OR56A3: variants seen among roughly 807,000 people sequenced by gnomAD.
OR56A3 encodes the protein olfactory receptor 56A3.
A neutral mutation model predicts 17.5 loss-of-function variants in OR56A3; 23 were observed. That is an observed-to-expected ratio of 1.32 (90% confidence interval 0.95 to 1.87). OR56A3 has a LOEUF of 1.87. OR56A3 is among the 40% of genes most tolerant of loss of function. OR56A3 has a pLI of 0.00. For synonymous variants in OR56A3, 175 were observed against 150.6 expected (o/e 1.16, Z -1.19); for missense variants, 366 against 380.1 (o/e 0.96, Z 0.31).
chr11:5,985,911 T>A, the OR56A3 span: 3 of 1,555,998 alleles, frequency 1.9e-6, no homozygotes, highest in East Asian at 4.6e-5. Flanking sequence ...AGAAGAAGCC[T>A]CCGAAGGAAA....
At position 5,951,035 on chromosome 11, in the gene OR56A3, G is replaced by A. The variant is rs1014782864; in HGVS notation, c.*2741G>A. ...CCAAGGAAGTCAGGGTTTTAGAGGA[G>A]AGTAAAGTTTTTTTTGTTAATGCTG... On this transcript the variant is annotated 3_prime_UTR_variant, in exon 3 of 3. Coordinates refer to ENST00000641160, the MANE Select transcript of OR56A3 (RefSeq NM_001003443.3). 1 of 152,090 alleles carries A rather than the reference G, an allele frequency of 6.6e-6. No homozygotes were observed. Among genetic ancestry groups the A allele is most frequent in the Non-Finnish European group, 1.5e-5 (1 of 67,976 alleles). 9.4% of individuals were successfully genotyped at this position (152,090 alleles called of 1,614,324 possible). A position where few individuals can be genotyped will look rare whatever the true frequency, so the allele number is the denominator to read the frequency against.
chr11:5,993,496 C>G, the OR56A3 span, among the ~76,000 whole-genome samples: 1 of 152,174 alleles, frequency 6.6e-6, no homozygotes, highest in Non-Finnish European at 1.5e-5. Context: ...CCCTCCTAGA[C>G]TCAGTTTTCC....
chr11:6,017,741 A>T, the OR56A3 span, among the ~76,000 whole-genome samples: 2 of 152,284 alleles, frequency 1.3e-5, no homozygotes, highest in Non-Finnish European at 2.9e-5. Context: ...AATGTAAACA[A>T]ATTAAATTTC....
At chr11:6,005,291 G>C in the OR56A3 span, among the ~76,000 whole-genome samples, 2 of 152,312 alleles carry the variant, frequency 1.3e-5, 1 homozygote, top group South Asian at 4.1e-4. Flanking sequence ...TTTCGTGGGG[G>C]AGAATAAAGA....
the OR56A3 span, chr11:5,968,580 A>T: frequency 9.9e-7 from 1 of 1,010,590 alleles, no homozygotes; most frequent in East Asian, 2.6e-5. Flanking sequence ...AAGCTGTTAA[A>T]ATATTTGCTA....
At position 5,951,223 on chromosome 11, in the gene OR56A3, T is replaced by C. The variant is rs1395898011; in HGVS notation, c.*2929T>C. 1 of 152,092 alleles carries C rather than the reference T, an allele frequency of 6.6e-6. No homozygotes were observed. Among genetic ancestry groups the C allele is most frequent in the East Asian group, 1.9e-4 (1 of 5,196 alleles). 9.4% of individuals were successfully genotyped at this position (152,092 alleles called of 1,614,324 possible). ...CCTAAGGAAGAATGTAAATGGGTATTTACTCATAACAAGTAAGGAATATTA... is the reference window on the plus strand; with the variant it reads ...CCTAAGGAAGAATGTAAATGGGTATCTACTCATAACAAGTAAGGAATATTA... On this transcript the variant is annotated 3_prime_UTR_variant, in exon 3 of 3. Coordinates refer to ENST00000641160, the MANE Select transcript of OR56A3 (RefSeq NM_001003443.3).
At chr11:5,986,450 G>T in the OR56A3 span, 1,244 of 1,613,774 alleles carry the variant, frequency 7.7e-4, 11 homozygotes, top group African/African-American at 0.016. Flanking sequence ...ATTCCGATGC[G>T]CCCTATGACC....
the OR56A3 span, among the ~76,000 whole-genome samples, chr11:6,014,989 C>CAAAAAAAAAAAAAAAAAAAAAAAAAAA: frequency 5.1e-4 from 18 of 35,200 alleles, 4 homozygotes; most frequent in South Asian, 4.1e-3. Context: ...TATTCATGGG[C>CAAAAAAAAAAAAAAAAAAAAAAAAAAA]AAAAAAAAAA....
chr11:5,982,486 A>G, the OR56A3 span, among the ~76,000 whole-genome samples: 6 of 152,246 alleles, frequency 3.9e-5, no homozygotes, highest in Non-Finnish European at 7.4e-5. Context: ...CTGGTTTGGC[A>G]ACTGAGGCTG....
downstream of OR56A3, among the ~76,000 whole-genome samples, chr11:5,953,068 G>A (rs1205854393): frequency 6.6e-6 from 1 of 152,178 alleles, no homozygotes; most frequent in East Asian, 1.9e-4. Flanking sequence ...TGGGCACCTA[G>A]GCTGATTCTA....
chr11:5,954,924 A>C (rs919183230), downstream of OR56A3, among the ~76,000 whole-genome samples: 4 of 152,216 alleles, frequency 2.6e-5, no homozygotes, highest in African/African-American at 4.8e-5. Context: ...GCAAAACAGC[A>C]AAGAAGAGGG....
chr11:6,015,635 C>T, the OR56A3 span, among the ~76,000 whole-genome samples: 1 of 152,244 alleles, frequency 6.6e-6, no homozygotes, highest in African/African-American at 2.4e-5. Context: ...CCACCTCTTG[C>T]ATCAGTGTGC....
chr11:5,977,827 G>T, the OR56A3 span, among the ~76,000 whole-genome samples: 1 of 152,090 alleles, frequency 6.6e-6, no homozygotes, highest in Non-Finnish European at 1.5e-5. Flanking sequence ...TTTTCTTATA[G>T]GATTTTATAG....
the OR56A3 span, among the ~76,000 whole-genome samples, chr11:5,958,515 AGT>A: frequency 3.3e-5 from 5 of 152,172 alleles, no homozygotes; most frequent in Non-Finnish European, 7.4e-5. Context: ...TAAAATGGAC[AGT>A]GTATGTATTT....
At chr11:5,986,056 A>T in the OR56A3 span, 6 of 1,613,882 alleles carry the variant, frequency 3.7e-6, no homozygotes, top group Middle Eastern at 1.6e-4. Context: ...GGCCAGAAGA[A>T]CATGGACATG....
Position 5,948,543 on chromosome 11 carries a change from T to G in OR56A3, c.*249T>G. ...TCATATTTTGTCCAAAACACTGACA[T>G]TCCTTAAAGCAGATTTTAAAGTGAA... On this transcript the variant is annotated 3_prime_UTR_variant, in exon 3 of 3. Transcript: ENST00000641160. 1 of 451,536 alleles carries G rather than the reference T, an allele frequency of 2.2e-6. No individual in the cohort carries two copies. Among genetic ancestry groups the G allele is most frequent in the Non-Finnish European group, 3.9e-6 (1 of 254,792 alleles). 28.0% of individuals were successfully genotyped at this position (451,536 alleles called of 1,614,324 possible). A position where few individuals can be genotyped will look rare whatever the true frequency, so the allele number is the denominator to read the frequency against.
chr11:5,954,777 C>A (rs186599728), downstream of OR56A3, among the ~76,000 whole-genome samples: 45 of 152,110 alleles, frequency 3.0e-4, no homozygotes, highest in African/African-American at 1.0e-3. Context: ...CAACATACAG[C>A]CCTAGATTTC....
chr11:5,978,027 A>C, the OR56A3 span, among the ~76,000 whole-genome samples: 2 of 152,126 alleles, frequency 1.3e-5, no homozygotes, highest in African/African-American at 4.8e-5. Flanking sequence ...GGTATGCAGC[A>C]TTATTTCTGG....
chr11:5,955,876 C>A (rs1847929318), downstream of OR56A3, among the ~76,000 whole-genome samples: 2 of 152,056 alleles, frequency 1.3e-5, no homozygotes, highest in African/African-American at 4.8e-5. Flanking sequence ...TGCCATATAG[C>A]CTCCTTTTTA....
Sources: gnomAD v4.1 joint callset for allele counts (sites outside exome capture counted in the v4.1 genomes callset) on GRCh38, gnomAD v4.1.1 for gene constraint, MANE v1.5 for transcripts, NCBI Gene and HGNC (gene_info 2026-07-23, HGNC 2026-07-21) for gene names.